The following FTO variants were observed in gnomAD, a reference collection of about 807,000 sequenced individuals.
FTO encodes the protein alpha-ketoglutarate-dependent dioxygenase FTO.
FTO carries 47 observed loss-of-function variants against 63.9 expected under a neutral mutation model. That is an observed-to-expected ratio of 0.74 (90% CI 0.58 to 0.94). The LOEUF (loss-of-function observed/expected upper bound fraction) is 0.94. FTO is among the 40% of genes least tolerant of loss of function. The probability of loss-of-function intolerance (pLI) is 0.00; values close to 1 mark genes in which losing one functional copy is unlikely to be tolerated. For synonymous variants in FTO, 207 were observed against 224.4 expected, an observed-to-expected ratio of 0.92 and a Z score of 0.69; for missense variants, 562 against 618.1, an observed-to-expected ratio of 0.91 and a Z score of 0.96.
chr16:53,967,868 G>A (rs2083230234), intron 8 of FTO, among the ~76,000 whole-genome samples: 1 of 152,218 alleles, frequency 6.6e-6, no homozygotes, highest in African/African-American at 2.4e-5. Context: ...GGTTGTGCTT[G>A]TGTGTACATC....
intron 8 of FTO, among the ~76,000 whole-genome samples, chr16:54,007,974 T>C (rs1409581088): frequency 2.0e-5 from 3 of 152,234 alleles, no homozygotes; most frequent in Non-Finnish European, 4.4e-5. Flanking sequence ...GAAACAGGGA[T>C]TCATTGTCAT....
intron 4 of FTO, 70 bp from the exon 5 acceptor site, chr16:53,873,716 A>G (rs1294015703): frequency 4.3e-6 from 5 of 1,164,742 alleles, no homozygotes; most frequent in Non-Finnish European, 6.4e-6. Context: ...TTTGTGTTTT[A>G]GTTAAATAAT....
At chr16:53,995,598 C>T (rs1323237804) in intron 8 of FTO, among the ~76,000 whole-genome samples, 2 of 152,300 alleles carry the variant, frequency 1.3e-5, no homozygotes, top group East Asian at 1.9e-4. Flanking sequence ...CTATCTGTGG[C>T]GTGAACTTTA....
chr16:54,087,130 A>G (rs549995238), intron 8 of FTO, among the ~76,000 whole-genome samples: 1 of 152,358 alleles, frequency 6.6e-6, no homozygotes, highest in South Asian at 2.1e-4. Context: ...GGGTGCAAGG[A>G]ACATGCCAGG....
In FTO at chr16:54,062,313, G is replaced by A. The variant is rs762114051; in HGVS notation, c.1365-49449G>A. ...TTGCCGTGATAGTTCAGATTGACAG[G>A]CTTGGCCGTTAACACCTTTTTGGTC... is the stretch of plus-strand genomic sequence containing the variant. On this transcript the variant is annotated intron_variant, in intron 8 of 8. Transcript: ENST00000471389. Among the ~76,000 whole-genome samples, 3 of 152,166 alleles carry A rather than the reference G, an allele frequency of 2.0e-5. No homozygotes were observed. The East Asian group carries it at 5.8e-4, about 29-fold the overall frequency.
At chr16:53,803,430 A>G (rs72805613) in intron 1 of FTO, among the ~76,000 whole-genome samples, 46,972 of 152,142 alleles carry the variant, frequency 0.31, 8,785 homozygotes, top group Non-Finnish European at 0.42. Flanking sequence ...AATTAAAAAG[A>G]TCTCTTTTGA....
At chr16:53,956,437 T>A (rs954403631) in intron 8 of FTO, among the ~76,000 whole-genome samples, 1 of 152,018 alleles carries the variant, frequency 6.6e-6, no homozygotes, top group African/African-American at 2.4e-5. Flanking sequence ...TACTAAGTGA[T>A]GAAGAAAGCA....
Position 53,984,321 on chromosome 16 carries a change from C to CCTTTT in FTO, c.1364+50212_1364+50213insCTTTT, listed in dbSNP as rs1555500067. Among the ~76,000 whole-genome samples the CCTTTT allele has an allele frequency of 2.7e-3, 181 of 67,296 alleles. 11 individuals are homozygous for CCTTTT. Among genetic ancestry groups the CCTTTT allele is most frequent in the African/African-American group, 9.5e-3 (170 of 17,960 alleles). 44.1% of individuals were successfully genotyped at this position (67,296 alleles called of 152,430 possible). A position where few individuals can be genotyped will look rare whatever the true frequency, so the allele number is the denominator to read the frequency against. On this transcript the variant is annotated intron_variant, in intron 8 of 8. Coordinates refer to ENST00000471389, the MANE Select transcript of FTO (RefSeq NM_001080432.3). ...CCTCTATCCCTCCCTTGGAATGGGT[C>CCTTTT]TTTTTTTTTTTTTTTTTTTTTTTTT... is the stretch of plus-strand genomic sequence containing the variant.
At chr16:53,850,642 T>C (rs1375764778) in intron 4 of FTO, among the ~76,000 whole-genome samples, 1 of 152,164 alleles carries the variant, frequency 6.6e-6, no homozygotes, top group African/African-American at 2.4e-5. Flanking sequence ...ATGTCTTGAG[T>C]GCCTACTAAG....
chr16:54,017,943 AG>A (rs1238728033), intron 8 of FTO, among the ~76,000 whole-genome samples: 5 of 152,242 alleles, frequency 3.3e-5, no homozygotes, highest in African/African-American at 1.2e-4. Context: ...AAAAGAAAGC[AG>A]GAAAAAAATA....
chr16:53,813,564 A>T (rs2078592943), intron 2 of FTO, among the ~76,000 whole-genome samples: 1 of 152,246 alleles, frequency 6.6e-6, no homozygotes, highest in African/African-American at 2.4e-5. Flanking sequence ...TAGTAAAAGT[A>T]AACCTCTTCT....
Position 53,808,381 on chromosome 16 carries a change from G to A in FTO, c.46-1759G>A, listed in dbSNP as rs79582046. Among the ~76,000 whole-genome samples the A allele has an allele frequency of 5.3e-3, 806 of 152,004 alleles. 6 individuals are homozygous for A. Among genetic ancestry groups the A allele is most frequent in the African/African-American group, 0.019 (774 of 41,466 alleles). On this transcript the variant is annotated intron_variant, in intron 1 of 8. Transcript: ENST00000471389. The stretch of plus-strand genomic sequence containing the variant: ...GTTTAACTGGTAAGTCAACCTTTTC[G>A]TTGTAAATGAGAAAACACCTATAGT...
intron 1 of FTO, among the ~76,000 whole-genome samples, chr16:53,761,104 CT>C (rs1406626568): frequency 2.1e-5 from 3 of 140,922 alleles, no homozygotes; most frequent in Non-Finnish European, 4.7e-5. Flanking sequence ...TCTTTCTTTT[CT>C]TTTTTTCTGG....
At chr16:53,941,710 C>T (rs1036061108) in intron 8 of FTO, among the ~76,000 whole-genome samples, 6 of 152,074 alleles carry the variant, frequency 3.9e-5, no homozygotes, top group Non-Finnish European at 7.4e-5. Flanking sequence ...TAGCCAGGCA[C>T]GGTGGCGCAC....
In FTO at chr16:53,756,361, G is replaced by T. The variant is rs533998137; in HGVS notation, c.45+52132G>T. Among the ~76,000 whole-genome samples the T allele has an allele frequency of 4.0e-4, 61 of 152,270 alleles. No individual in the cohort carries two copies. The South Asian group carries it at 7.7e-3, about 19-fold the overall frequency. On this transcript the variant is annotated intron_variant, in intron 1 of 8. Coordinates refer to ENST00000471389, the MANE Select transcript of FTO (RefSeq NM_001080432.3). ...AGATTATTAGAGGCCCTAGGGATTC[G>T]ATTTCACCTGCTTTGTTAAGGCCAT...
chr16:53,947,916 T>A (rs1045501503), intron 8 of FTO, among the ~76,000 whole-genome samples: 1 of 152,170 alleles, frequency 6.6e-6, no homozygotes, highest in Admixed American at 6.5e-5. Flanking sequence ...AAGCACAGCA[T>A]CTTCTAGTGG....
chr16:53,893,147 C>T (rs1176316734), intron 7 of FTO, among the ~76,000 whole-genome samples: 1 of 152,138 alleles, frequency 6.6e-6, no homozygotes, highest in Admixed American at 6.6e-5. Flanking sequence ...AATATTACCT[C>T]ATGAATTTAT....
At chr16:54,057,351 A>G (rs900951398) in intron 8 of FTO, among the ~76,000 whole-genome samples, 17 of 152,234 alleles carry the variant, frequency 1.1e-4, no homozygotes, top group Non-Finnish European at 7.3e-5. Flanking sequence ...CCCATGATCA[A>G]CGTGACTCAG....
chr16:53,790,236 C>T (rs992624694), intron 1 of FTO, among the ~76,000 whole-genome samples: 1 of 151,874 alleles, frequency 6.6e-6, no homozygotes, highest in Non-Finnish European at 1.5e-5. Flanking sequence ...CAAAACTTTT[C>T]CAGCAGCCCA....
Sources: gnomAD v4.1 joint callset for allele counts (sites outside exome capture counted in the v4.1 genomes callset) on GRCh38, gnomAD v4.1.1 for gene constraint, MANE v1.5 for transcripts, NCBI Gene and HGNC (gene_info 2026-07-23, HGNC 2026-07-21) for gene names.